Variants in PLCL1 observed in about 807,000 individuals in gnomAD.
PLCL1 encodes inactive phospholipase C-like protein 1.
PLCL1 carries 41 observed loss-of-function variants against 84.4 expected under a neutral mutation model. The observed-to-expected ratio is 0.49, with a 90% CI of 0.38 to 0.63. PLCL1 has a LOEUF of 0.63. PLCL1 is among the 30% of genes least tolerant of loss of function. The pLI is 0.00. For missense variants in PLCL1, 1,206 were observed against 1,367.8 expected (o/e 0.88, Z 1.87); for synonymous variants, 490 against 488.3 (o/e 1.00, Z -0.05).
chr2:197,862,997 C>T (rs1346972022), intron 1 of PLCL1, among the ~76,000 whole-genome samples: 3 of 152,062 alleles, frequency 2.0e-5, no homozygotes, highest in Admixed American at 6.6e-5. Context: ...ACAAATGTAA[C>T]GTACATGTTC....
At chr2:198,047,083 G>A (rs752013321) in intron 1 of PLCL1, among the ~76,000 whole-genome samples, 3 of 152,092 alleles carry the variant, frequency 2.0e-5, no homozygotes, top group Non-Finnish European at 2.9e-5. Flanking sequence ...GGAATCTAGA[G>A]CTTTTCTAGA....
At chr2:197,917,585 T>C (rs552725559) in intron 1 of PLCL1, among the ~76,000 whole-genome samples, 1 of 152,316 alleles carries the variant, frequency 6.6e-6, no homozygotes, top group African/African-American at 2.4e-5. Context: ...CATAGAACTT[T>C]ATAGTACACA....
intron 1 of PLCL1, among the ~76,000 whole-genome samples, chr2:197,868,905 A>G (rs1396698538): frequency 6.6e-6 from 1 of 152,132 alleles, no homozygotes; most frequent in Non-Finnish European, 1.5e-5. Context: ...ACTACCAGAG[A>G]AAAATACTAA....
At chr2:198,033,184 G>A (rs565802481) in intron 1 of PLCL1, among the ~76,000 whole-genome samples, 12 of 152,322 alleles carry the variant, frequency 7.9e-5, no homozygotes, top group Admixed American at 5.9e-4. Flanking sequence ...AATGCAATCA[G>A]AGAAGCACTG....
intron 1 of PLCL1, among the ~76,000 whole-genome samples, chr2:197,853,175 G>A (rs1012701990): frequency 3.9e-5 from 6 of 152,102 alleles, no homozygotes; most frequent in African/African-American, 9.7e-5. Flanking sequence ...AGGCTCATTC[G>A]TGTGGTAGCA....
intron 5 of PLCL1, among the ~76,000 whole-genome samples, chr2:198,133,890 T>C (rs1694188906): frequency 6.6e-6 from 1 of 152,212 alleles, no homozygotes; most frequent in African/African-American, 2.4e-5. Context: ...AAATTTAATA[T>C]GTACTGTATA....
At chr2:198,075,182 G>A (rs1186586829) in intron 1 of PLCL1, among the ~76,000 whole-genome samples, 1 of 152,154 alleles carries the variant, frequency 6.6e-6, no homozygotes, top group Non-Finnish European at 1.5e-5. Context: ...GCTGTGCAGG[G>A]GTCTCCTGAG....
At chr2:197,938,666 G>C (rs1392064276) in intron 1 of PLCL1, among the ~76,000 whole-genome samples, 1 of 152,100 alleles carries the variant, frequency 6.6e-6, no homozygotes, top group Non-Finnish European at 1.5e-5. Flanking sequence ...TCCTTTCAAG[G>C]GGAATACCTG....
rs868168383 is a variant in PLCL1, at chr2:197,936,874, C to G, written c.240+131535C>G. 6.6e-5 allele frequency among the ~76,000 whole-genome samples: 10 copies of G among 152,232 alleles called. No individual in the cohort carries two copies. The Middle Eastern group carries it at 0.017, about 259-fold the overall frequency. On this transcript the variant is annotated intron_variant, in intron 1 of 5. Coordinates refer to ENST00000428675, the MANE Select transcript of PLCL1 (RefSeq NM_006226.4). ...CATTGCCTAGACCAATGTCACGTAG[C>G]TTTCCCCCTGTGTTTTCTGCTAGTA...
intron 1 of PLCL1, among the ~76,000 whole-genome samples, chr2:197,906,767 A>G (rs1198240743): frequency 6.6e-6 from 1 of 152,120 alleles, no homozygotes; most frequent in Non-Finnish European, 1.5e-5. Context: ...CTTCTTGAAG[A>G]GGTCCTTCAC....
At chr2:197,973,934 A>G (rs1689917365) in intron 1 of PLCL1, among the ~76,000 whole-genome samples, 1 of 152,244 alleles carries the variant, frequency 6.6e-6, no homozygotes, top group South Asian at 2.1e-4. Flanking sequence ...AGAATAGGGA[A>G]TTAGTTATCT....
intron 1 of PLCL1, among the ~76,000 whole-genome samples, chr2:197,854,003 T>A (rs1460457054): frequency 1.3e-5 from 2 of 152,164 alleles, no homozygotes; most frequent in Non-Finnish European, 2.9e-5. Context: ...CTCACCTGCA[T>A]CAGAATCCTT....
At chr2:198,024,128 C>T (rs1361125405) in intron 1 of PLCL1, among the ~76,000 whole-genome samples, 1 of 152,118 alleles carries the variant, frequency 6.6e-6, no homozygotes, top group Non-Finnish European at 1.5e-5. Flanking sequence ...AATCATCATT[C>T]TCAGCAAACT....
At chr2:197,891,145 G>A (rs1188892838) in intron 1 of PLCL1, among the ~76,000 whole-genome samples, 3 of 151,848 alleles carry the variant, frequency 2.0e-5, no homozygotes, top group Non-Finnish European at 4.4e-5. Flanking sequence ...GAGATACATA[G>A]CATGCATCTC....
intron 1 of PLCL1, chr2:197,810,366 C>T: frequency 1.3e-6 from 1 of 753,448 alleles, no homozygotes; most frequent in Non-Finnish European, 2.0e-6. Context: ...TTTGAAGTGT[C>T]TGTTGATTAG....
At position 197,916,258 on chromosome 2, in the gene PLCL1, T is replaced by A. The variant is rs1688598662; in HGVS notation, c.240+110919T>A. Among the ~76,000 whole-genome samples the A allele has an allele frequency of 2.0e-5, 3 of 152,228 alleles. No individual in the cohort carries two copies. The South Asian group carries it at 6.2e-4, about 32-fold the overall frequency. ...TGGTGTTTCAAGTATTTTTAAGCAC[T>A]GGGAAAGAATATAAGTTGTTTTTAG... is the stretch of plus-strand genomic sequence containing the variant. On this transcript the variant is annotated intron_variant, in intron 1 of 5. Transcript: ENST00000428675.
chr2:198,045,261 T>C (rs1356897180), intron 1 of PLCL1, among the ~76,000 whole-genome samples: 1 of 152,194 alleles, frequency 6.6e-6, no homozygotes, highest in Admixed American at 6.5e-5. Flanking sequence ...TAGTTTTTTG[T>C]ATTATGTTTC....
chr2:198,132,465 G>T (rs1012289348), intron 5 of PLCL1, among the ~76,000 whole-genome samples: 1 of 151,834 alleles, frequency 6.6e-6, no homozygotes, highest in Non-Finnish European at 1.5e-5. Context: ...TTGGGGGGGG[G>T]AGTCCACATA....
chr2:197,999,416 C>A (rs1213486738), intron 1 of PLCL1, among the ~76,000 whole-genome samples: 1 of 152,174 alleles, frequency 6.6e-6, no homozygotes, highest in Non-Finnish European at 1.5e-5. Flanking sequence ...TTAGCTATAT[C>A]ATAAGTAAGT....
Sources: allele counts gnomAD v4.1 joint callset (sites outside exome capture counted in the v4.1 genomes callset), GRCh38; gene constraint gnomAD v4.1.1; transcripts MANE v1.5; gene names NCBI Gene and HGNC (gene_info 2026-07-23, HGNC 2026-07-21).